PCNX3: variants seen among roughly 807,000 people sequenced by gnomAD.
PCNX3 encodes the protein pecanex 3.
A neutral mutation model predicts 207.2 loss-of-function variants in PCNX3; 58 were observed. The observed-to-expected ratio is 0.28, with a 90% CI of 0.23 to 0.35. PCNX3 has a LOEUF of 0.35. Among genes scored for constraint, PCNX3 ranks in the 10% least tolerant of loss-of-function variants. PCNX3 has a pLI of 1.00. For missense variants in PCNX3, 2,410 were observed against 2,774.4 expected, an observed-to-expected ratio of 0.87 and a Z score of 2.95; for synonymous variants, 1,337 against 1,183.5, an observed-to-expected ratio of 1.13 and a Z score of -2.66.
intron 11 of PCNX3, among the ~76,000 whole-genome samples, chr11:65,622,665 G>A (rs1191940152): frequency 2.0e-5 from 3 of 152,088 alleles, no homozygotes; most frequent in Admixed American, 6.5e-5. Flanking sequence ...GCATGATCTC[G>A]GCTCACTGCA....
At chr11:65,621,839 C>T (rs963479498) in intron 10 of PCNX3, among the ~76,000 whole-genome samples, 10 of 152,222 alleles carry the variant, frequency 6.6e-5, no homozygotes, top group South Asian at 2.1e-4. Flanking sequence ...CATGCACGCT[C>T]GGATGGGGTA....
In PCNX3 at chr11:65,620,054, C is replaced by T. The variant is rs374737531; in HGVS notation, c.2008+122C>T. The T allele has an allele frequency of 3.5e-5, 39 of 1,108,102 alleles. No homozygotes were observed. The East Asian group carries it at 4.7e-4, about 13-fold the overall frequency. The allele number at this position is 1,108,102 out of a possible 1,614,324, so 68.6% of individuals were successfully genotyped here. A position where few individuals can be genotyped will look rare whatever the true frequency, so the allele number is the denominator to read the frequency against. ...GTACACTGCTAATGCTGCCAGACATCATCCTTGCAGCCTCTTTGAGGCACG... is the reference window on the plus strand; with the variant it reads ...GTACACTGCTAATGCTGCCAGACATTATCCTTGCAGCCTCTTTGAGGCACG... On this transcript the variant is annotated intron_variant, in intron 8 of 34. Transcript: ENST00000355703.
chr11:65,636,120 C>T (rs1855822241), intron 32 of PCNX3, 54 bp from the exon 33 acceptor site: 2 of 1,560,850 alleles, frequency 1.3e-6, no homozygotes, highest in East Asian at 4.8e-5. Context: ...GCTTGTGAGG[C>T]CTCTGGCCTC....
rs763488559 is a variant in PCNX3, at chr11:65,623,931, C to T, written c.2514C>T (p.Ser838=). ...IASCQYSLLK[S]VQPDAASPMH... ...CAACGTAGCCCTGTCTCTTCCAGAG[C>T]GTGCAGCCTGATGCGGCGTCCCCCA... Residue 838 remains serine (S), a splice_region_variant and synonymous_variant, in exon 13 of 35, where the codon AGC becomes AGT. Transcript: ENST00000355703. 1.1e-5 allele frequency: 18 copies of T among 1,612,548 alleles called. No homozygotes were observed. The highest frequency in any genetic ancestry group is 4.4e-5 in the South Asian group (4 of 91,094).
chr11:65,634,769 C>A, intron 29 of PCNX3, 128 bp downstream of exon 29: 2 of 1,178,442 alleles, frequency 1.7e-6, no homozygotes, highest in Non-Finnish European at 2.4e-6. Context: ...GGTACCTCTT[C>A]TCCCACGGGC....
At chr11:65,628,487 T>C in intron 22 of PCNX3, 108 bp from the exon 23 acceptor site, 1 of 1,067,916 alleles carries the variant, frequency 9.4e-7, no homozygotes, top group Non-Finnish European at 1.4e-6. Context: ...TTGGCCCCCG[T>C]GGGCCAAGCC....
rs769834235 is a variant in PCNX3, at chr11:65,625,307, G to C, written c.3029+27G>C. 3 of 1,597,282 alleles carry C rather than the reference G, an allele frequency of 1.9e-6. No homozygotes were observed. In the East Asian group the frequency reaches 6.7e-5, roughly 36 times the overall value. On this transcript the variant is annotated intron_variant, in intron 17 of 34. Coordinates refer to ENST00000355703, the MANE Select transcript of PCNX3 (RefSeq NM_032223.4). This position sits in a 1 kb window ranked among gnomAD's most constrained non-coding sequence, Gnocchi z 5.6. ...TGGGTGTGCTCCGGGTCGTGTGTTT[G>C]TGTCTGCCCAGTAGGGGTTTGTGGT...
In PCNX3 at chr11:65,637,018, A is replaced by G. The variant is rs753701115; in HGVS notation, c.*40A>G. Reference sequence around the variant, plus strand: ...ACTGGACCACCTCCTAGGATTCAGTAACGGACCTGCTCTGCTGCCTCTCTG... The same window carrying G: ...ACTGGACCACCTCCTAGGATTCAGTGACGGACCTGCTCTGCTGCCTCTCTG... On this transcript the variant is annotated 3_prime_UTR_variant, in exon 35 of 35. Coordinates refer to ENST00000355703, the MANE Select transcript of PCNX3 (RefSeq NM_032223.4). The G allele has an allele frequency of 9.8e-6, 15 of 1,533,206 alleles. No individual in the cohort carries two copies. Among genetic ancestry groups the G allele is most frequent in the Admixed American group, 1.9e-5 (1 of 51,816 alleles). 95.0% of individuals were successfully genotyped at this position (1,533,206 alleles called of 1,614,324 possible).
chr11:65,620,016 G>A (rs190798040), intron 8 of PCNX3, 84 bp downstream of exon 8: 36 of 1,386,046 alleles, frequency 2.6e-5, no homozygotes, highest in African/African-American at 5.7e-5. Flanking sequence ...GTGCTCGCTC[G>A]GCCCTGTGGC....
rs1855815318 is a variant in PCNX3 at position 65,635,944 on chromosome 11, C to T, written c.5459+141C>T. ...ACCCCCTCCCAGAGCTGACCTGCCCCTCCTAGATGTCACCTTACCCCCAGA... is the reference window on the plus strand; with the variant it reads ...ACCCCCTCCCAGAGCTGACCTGCCCTTCCTAGATGTCACCTTACCCCCAGA... On this transcript the variant is annotated intron_variant, in intron 32 of 34. Transcript: ENST00000355703. This position sits in a 1 kb window ranked among gnomAD's most constrained non-coding sequence, Gnocchi z 9.9. 7.7e-7 allele frequency: 1 copy of T among 1,303,802 alleles called. No individual in the cohort carries two copies. The highest frequency in any genetic ancestry group is 1.0e-6 in the Non-Finnish European group (1 of 968,560). The allele number at this position is 1,303,802 out of a possible 1,614,324, so 80.8% of individuals were successfully genotyped here.
In PCNX3 at chr11:65,623,849, G is replaced by A. The variant is rs1590883188; in HGVS notation, c.2512-80G>A. On this transcript the variant is annotated intron_variant, in intron 12 of 34. Transcript: ENST00000355703. ...CCTGGTCACTCATAACTGCCTAGTG[G>A]TGGAGCTGAACAGGTCTGGGGCCTC... The A allele has an allele frequency of 5.6e-6, 9 of 1,596,002 alleles. No homozygotes were observed. In the East Asian group the frequency reaches 2.0e-4, roughly 36 times the overall value.
At position 65,618,348 on chromosome 11, in the gene PCNX3, G is replaced by C. The variant is rs780250761; in HGVS notation, c.986G>C (p.Gly329Ala). ...NSTHLDSPPG[G>A]PAPEGSDTDP... ...ACCCATCTGGACAGCCCCCCAGGGG[G>C]GCCAGCCCCTGAGGGCAGCGACACA... The change falls in exon 6 of 35, where the codon GGG becomes GCG. Residue 329 changes from glycine (G) to alanine (A), a missense_variant. Physicochemically the swap from Gly to Ala is moderately conservative, Grantham distance 60 (BLOSUM62 0). Around this residue, in one of 8 missense-constraint regions of PCNX3, gnomAD observed 1,104 missense variants for 970.3 expected, o/e 1.14. Transcript: ENST00000355703. 1 of 1,612,192 alleles carries C rather than the reference G, an allele frequency of 6.2e-7. No homozygotes were observed. Among genetic ancestry groups the C allele is most frequent in the South Asian group, 1.1e-5 (1 of 91,076 alleles).
chr11:65,631,571 A>G (rs561867879), intron 27 of PCNX3, among the ~76,000 whole-genome samples: 2 of 152,244 alleles, frequency 1.3e-5, no homozygotes, highest in African/African-American at 4.8e-5. Flanking sequence ...AGACAGGAGA[A>G]TCACTTGAAC....
intron 11 of PCNX3, among the ~76,000 whole-genome samples, 187 bp from the exon 12 acceptor site, chr11:65,623,304 T>C (rs1212894347): frequency 6.6e-6 from 1 of 152,232 alleles, no homozygotes; most frequent in Non-Finnish European, 1.5e-5. Flanking sequence ...AGCAATACAA[T>C]GGTCGCTGGA....
intron 8 of PCNX3, 147 bp downstream of exon 8, chr11:65,620,079 G>A (rs530253069): frequency 3.3e-5 from 32 of 959,320 alleles, no homozygotes; most frequent in Non-Finnish European, 4.8e-5. Context: ...TTTGAGGCAC[G>A]GTGTCTCTGT....
Position 65,636,609 on chromosome 11 carries a change from C to CT in PCNX3, c.5813dup (p.Arg1941ProfsTer8). On this transcript the variant is annotated frameshift_variant, in exon 34 of 35. Coordinates refer to ENST00000355703, the MANE Select transcript of PCNX3 (RefSeq NM_032223.4). LOFTEE classifies it high-confidence loss of function. ...TGAGGGCCCCAGTGGAAAGTGGAGC[C>CT]TGGGGGGCCGGAAGGGGCTGGGAGG... The CT allele has an allele frequency of 1.3e-6, 2 of 1,586,644 alleles. No homozygotes were observed. The highest frequency in any genetic ancestry group is 1.7e-6 in the Non-Finnish European group (2 of 1,168,824).
At chr11:65,630,322 G>T (rs1250291203) in intron 26 of PCNX3, 29 bp from the exon 27 acceptor site, 1 of 1,608,206 alleles carries the variant, frequency 6.2e-7, no homozygotes, top group African/African-American at 1.3e-5. Context: ...TGTTCTAGCA[G>T]CCCCTGACTG....
chr11:65,628,126 G>T (rs112944994), intron 22 of PCNX3, among the ~76,000 whole-genome samples: 1 of 152,132 alleles, frequency 6.6e-6, no homozygotes, highest in South Asian at 2.1e-4. Flanking sequence ...TCTTCCTCAC[G>T]TGGGCATTCT....
chr11:65,619,812 C>T lies in PCNX3; in HGVS notation c.1888C>T (p.Pro630Ser), dbSNP rs1176879874. 3 of 1,598,472 alleles carry T rather than the reference C, an allele frequency of 1.9e-6. No individual in the cohort carries two copies. Among genetic ancestry groups the T allele is most frequent in the Non-Finnish European group, 1.7e-6 (2 of 1,176,644 alleles). Residue 630 changes from proline to serine, a missense_variant, in exon 8 of 35, where the codon CCC becomes TCC. Pro to Ser is a moderately conservative substitution (Grantham distance 74, BLOSUM62 -1). Around this residue, in one of 8 missense-constraint regions of PCNX3, gnomAD observed 1,104 missense variants for 970.3 expected, o/e 1.14. Coordinates refer to ENST00000355703, the MANE Select transcript of PCNX3 (RefSeq NM_032223.4). Reference protein sequence around the residue: ...AASHSRALTLPSALHFASSLL... With the variant: ...AASHSRALTLSSALHFASSLL... ...CTCCCACTCCCGGGCGCTGACGCTGCCCTCTGCGCTGCATTTCGCCTCTTC... is the reference window on the plus strand; with the variant it reads ...CTCCCACTCCCGGGCGCTGACGCTGTCCTCTGCGCTGCATTTCGCCTCTTC...
Sources: gnomAD v4.1 joint callset for allele counts (sites outside exome capture counted in the v4.1 genomes callset) on GRCh38, gnomAD v4.1.1 for gene constraint, gnomAD v4.1.1 regional missense constraint, Gnocchi (gnomAD v3.1) non-coding constraint, MANE v1.5 for transcripts, NCBI Gene and HGNC (gene_info 2026-07-23, HGNC 2026-07-21) for gene names.